Variants in PCED1B observed in about 807,000 individuals in gnomAD.
The protein encoded by PCED1B is PC-esterase domain containing 1B.
For missense variants in PCED1B, 573 were observed against 573.9 expected (o/e 1.00, Z 0.02); for synonymous variants, 251 against 246.1 (o/e 1.02, Z -0.19).
chr12:47,147,553 A>G (rs963773119), intron 2 of PCED1B, among the ~76,000 whole-genome samples: 2 of 152,030 alleles, frequency 1.3e-5, no homozygotes, highest in Non-Finnish European at 2.9e-5. Flanking sequence ...TTCTATTGAT[A>G]TCTATTTACC....
chr12:47,223,828 T>G (rs999123827), intron 3 of PCED1B: 2 of 152,242 alleles, frequency 1.3e-5, no homozygotes, highest in Non-Finnish European at 2.9e-5. Context: ...GCCTACTGTC[T>G]GGCAGGCCTT....
intron 2 of PCED1B, among the ~76,000 whole-genome samples, chr12:47,152,943 A>T (rs1333472343): frequency 6.6e-6 from 1 of 152,146 alleles, no homozygotes; most frequent in Non-Finnish European, 1.5e-5. Flanking sequence ...TCAAAAAAAT[A>T]AAATAAAATA....
intron 2 of PCED1B, among the ~76,000 whole-genome samples, chr12:47,211,426 T>G (rs1314906596): frequency 6.7e-6 from 1 of 148,232 alleles, no homozygotes; most frequent in Admixed American, 6.7e-5. Context: ...CTGAGGCATG[T>G]GGATCACTTG....
In PCED1B at chr12:47,173,820, C is replaced by T. The variant is rs118123041; in HGVS notation, c.-525-42402C>T. Among the ~76,000 whole-genome samples, 512 of 152,174 alleles carry T rather than the reference C, an allele frequency of 3.4e-3. 8 individuals are homozygous for T. In the South Asian group the frequency reaches 0.04, roughly 12 times the overall value. ...TCAGATCTTTAAAAAAATGATTATA[C>T]GAGGCTCATAAATATTTCTCAGGTG... is the stretch of plus-strand genomic sequence containing the variant. On this transcript the variant is annotated intron_variant, in intron 2 of 3. Coordinates refer to ENST00000546455, the MANE Select transcript of PCED1B (RefSeq NM_138371.3).
chr12:47,189,883 C>T (rs1942389689), intron 2 of PCED1B, among the ~76,000 whole-genome samples: 2 of 152,156 alleles, frequency 1.3e-5, no homozygotes, highest in South Asian at 4.1e-4. Context: ...TTGGCAAAAC[C>T]TCAGCATAAC....
chr12:47,135,495 GA>G (rs778745881), intron 2 of PCED1B: 42 of 465,844 alleles, frequency 9.0e-5, no homozygotes, highest in Non-Finnish European at 1.8e-4. Context: ...TCTATCGAGA[GA>G]CTTGGAAGAT....
intron 2 of PCED1B, among the ~76,000 whole-genome samples, chr12:47,131,918 C>T (rs554284777): frequency 6.6e-6 from 1 of 152,086 alleles, no homozygotes; most frequent in Non-Finnish European, 1.5e-5. Flanking sequence ...CCGCCCACCT[C>T]CACCTCCCAA....
chr12:47,145,594 G>A lies in PCED1B; in HGVS notation c.-526+41399G>A, dbSNP rs191229175. On this transcript the variant is annotated intron_variant, in intron 2 of 3. Coordinates refer to ENST00000546455, the MANE Select transcript of PCED1B (RefSeq NM_138371.3). Reference sequence around the variant, plus strand: ...TTAAGTTGAAGCTAATGCTCATTTAGCATTCTGAAAATCCTAGGGCTCTTA... The same window carrying A: ...TTAAGTTGAAGCTAATGCTCATTTAACATTCTGAAAATCCTAGGGCTCTTA... Among the ~76,000 whole-genome samples, 150 of 152,274 alleles carry A rather than the reference G, an allele frequency of 9.9e-4. 1 individual carries two copies. Among genetic ancestry groups the A allele is most frequent in the African/African-American group, 3.5e-3 (145 of 41,558 alleles).
At chr12:47,228,869 G>A (rs541273054) in intron 3 of PCED1B, among the ~76,000 whole-genome samples, 40 of 148,996 alleles carry the variant, frequency 2.7e-4, no homozygotes, top group African/African-American at 9.4e-4. Flanking sequence ...GTGAAACTCC[G>A]TCTCAAAAAA....
intron 2 of PCED1B, among the ~76,000 whole-genome samples, chr12:47,172,566 G>A (rs1033946463): frequency 6.6e-6 from 1 of 152,112 alleles, no homozygotes; most frequent in Non-Finnish European, 1.5e-5. Context: ...AGATGACATA[G>A]TGAAATAGCA....
At chr12:47,199,376 A>G (rs1400069984) in intron 2 of PCED1B, among the ~76,000 whole-genome samples, 1 of 152,168 alleles carries the variant, frequency 6.6e-6, no homozygotes, top group Non-Finnish European at 1.5e-5. Flanking sequence ...AAGTTATTTT[A>G]TGAATATTAA....
intron 2 of PCED1B, among the ~76,000 whole-genome samples, chr12:47,177,400 A>G (rs1310254597): frequency 6.6e-6 from 1 of 152,230 alleles, no homozygotes; most frequent in African/African-American, 2.4e-5. Flanking sequence ...CTGACTGCTA[A>G]TGGGGTGACT....
At position 47,216,578 on chromosome 12, in the gene PCED1B, T is replaced by G. The variant is rs1180501744; in HGVS notation, c.-169T>G. On this transcript the variant is annotated 5_prime_UTR_variant, in exon 3 of 4. Coordinates refer to ENST00000546455, the MANE Select transcript of PCED1B (RefSeq NM_138371.3). ...CCTATTTCCCCTATAGCCCAAGCTC[T>G]GAGATCTCCCGTCTGGTCACAATGA... The G allele has an allele frequency of 5.3e-5, 8 of 152,228 alleles. No homozygotes were observed. The highest frequency in any genetic ancestry group is 5.2e-4 in the Admixed American group (8 of 15,272). 9.4% of individuals were successfully genotyped at this position (152,228 alleles called of 1,614,324 possible). A position where few individuals can be genotyped will look rare whatever the true frequency, so the allele number is the denominator to read the frequency against.
At chr12:47,182,592 AAAAAAAAAAG>A (rs1315299021) in intron 2 of PCED1B, among the ~76,000 whole-genome samples, 2 of 79,820 alleles carry the variant, frequency 2.5e-5, no homozygotes, top group East Asian at 9.3e-4. Context: ...CTCCATCTCA[AAAAAAAAAAG>A]AAAAAAAAAG....
chr12:47,110,967 T>C (rs1415930748), intron 2 of PCED1B, among the ~76,000 whole-genome samples: 1 of 152,238 alleles, frequency 6.6e-6, no homozygotes, highest in African/African-American at 2.4e-5. Flanking sequence ...GCTCTGGTGT[T>C]CTTTGAAGTT....
intron 2 of PCED1B, among the ~76,000 whole-genome samples, chr12:47,194,418 C>A (rs1424981624): frequency 1.3e-5 from 2 of 152,206 alleles, no homozygotes; most frequent in African/African-American, 4.8e-5. Context: ...CGTGATCCAC[C>A]TGCCTAGGCC....
rs185933551 is a variant in PCED1B, at chr12:47,171,346, C to G, written c.-525-44876C>G. Among the ~76,000 whole-genome samples the G allele has an allele frequency of 4.5e-4, 69 of 152,250 alleles. No homozygotes were observed. In the East Asian group the frequency reaches 0.012, roughly 26 times the overall value. On this transcript the variant is annotated intron_variant, in intron 2 of 3. Coordinates refer to ENST00000546455, the MANE Select transcript of PCED1B (RefSeq NM_138371.3). ...CCTCCCAAAGTGCTGGGATTACAGGCGTGAGCCACCGTGCCTGGCCCTATT... is the reference window on the plus strand; with the variant it reads ...CCTCCCAAAGTGCTGGGATTACAGGGGTGAGCCACCGTGCCTGGCCCTATT...
chr12:47,094,496 A>G (rs1048560426), intron 1 of PCED1B, among the ~76,000 whole-genome samples: 1 of 151,124 alleles, frequency 6.6e-6, no homozygotes, highest in Admixed American at 6.6e-5. Context: ...TTGTCATTTT[A>G]TGTTCTTTTT....
rs1054485620 is a variant in PCED1B at position 47,162,340 on chromosome 12, G to A, written c.-525-53882G>A. ...GTGTATTTTGGCTCACAGTTCTGCA[G>A]AGTGTACAAGAAATCTGTTTTGCAT... is the stretch of plus-strand genomic sequence containing the variant. On this transcript the variant is annotated intron_variant, in intron 2 of 3. Coordinates refer to ENST00000546455, the MANE Select transcript of PCED1B (RefSeq NM_138371.3). Among the ~76,000 whole-genome samples the A allele has an allele frequency of 2.0e-5, 3 of 152,134 alleles. No homozygotes were observed. The East Asian group carries it at 5.8e-4, about 29-fold the overall frequency.
Sources: gnomAD v4.1 joint callset for allele counts (sites outside exome capture counted in the v4.1 genomes callset) on GRCh38, gnomAD v4.1.1 for gene constraint, MANE v1.5 for transcripts, NCBI Gene and HGNC (gene_info 2026-07-23, HGNC 2026-07-21) for gene names.